The following BICC1 variants were observed in gnomAD, a reference collection of about 807,000 sequenced individuals.
The protein encoded by BICC1 is BicC family RNA binding protein 1.
BICC1 carries 43 observed loss-of-function variants against 111.0 expected under a neutral mutation model. The observed-to-expected ratio is 0.39, with a 90% CI of 0.30 to 0.50. The LOEUF is 0.50. Ranked by LOEUF, BICC1 falls within the 20% of genes least tolerant of loss-of-function variation. The pLI, the probability that BICC1 is intolerant of heterozygous loss-of-function variation, is 0.88. For missense variants in BICC1, 1,091 were observed against 1,203.2 expected (o/e 0.91, Z 1.38); for synonymous variants, 467 against 434.4 (o/e 1.07, Z -0.93).
In BICC1 at chr10:58,664,968, A is replaced by C. The variant is rs186267097; in HGVS notation, c.238-37106A>C. On this transcript the variant is annotated intron_variant, in intron 2 of 20. Coordinates refer to ENST00000373886, the MANE Select transcript of BICC1 (RefSeq NM_001080512.3). ...GGATTGCTGCTGCTACATTGAGCTT[A>C]ATATGAGTCCCGGAGTGTGGTACAG... Among the ~76,000 whole-genome samples the C allele has an allele frequency of 1.2e-4, 19 of 152,246 alleles. No homozygotes were observed. In the East Asian group the frequency reaches 3.5e-3, roughly 28 times the overall value.
At chr10:58,568,077 T>A (rs1840058260) in intron 1 of BICC1, among the ~76,000 whole-genome samples, 1 of 152,200 alleles carries the variant, frequency 6.6e-6, no homozygotes, top group Non-Finnish European at 1.5e-5. Flanking sequence ...TCTGGCTATC[T>A]GAGTTTAGGT....
At position 58,630,593 on chromosome 10, in the gene BICC1, T is replaced by A. The variant is rs563500466; in HGVS notation, c.237+9692T>A. On this transcript the variant is annotated intron_variant, in intron 2 of 20. Transcript: ENST00000373886. Reference sequence around the variant, plus strand: ...ATTGACATGCGCCACCACGCCTAGCTTTCAGGTTCTGATCTATAGGTGTCC... The same window carrying A: ...ATTGACATGCGCCACCACGCCTAGCATTCAGGTTCTGATCTATAGGTGTCC... 2.6e-5 allele frequency among the ~76,000 whole-genome samples: 4 copies of A among 152,260 alleles called. No individual in the cohort carries two copies. In the South Asian group the frequency reaches 8.3e-4, roughly 32 times the overall value.
intron 3 of BICC1, among the ~76,000 whole-genome samples, chr10:58,769,655 AT>A (rs1339638038): frequency 2.6e-5 from 4 of 151,982 alleles, no homozygotes; most frequent in African/African-American, 9.6e-5. Flanking sequence ...GCACAACTAT[AT>A]TTACATAAAC....
At chr10:58,670,260 A>G (rs1463014737) in intron 2 of BICC1, among the ~76,000 whole-genome samples, 3 of 152,260 alleles carry the variant, frequency 2.0e-5, no homozygotes, top group East Asian at 1.9e-4. Context: ...CGTGCATACC[A>G]ATTACTAGTG....
chr10:58,696,916 G>T (rs1840080135), intron 2 of BICC1, among the ~76,000 whole-genome samples: 1 of 152,142 alleles, frequency 6.6e-6, no homozygotes, highest in African/African-American at 2.4e-5. Flanking sequence ...TCACTCTAGG[G>T]CTTCCCCCAC....
At chr10:58,529,145 CTTG>C (rs1842618279) in intron 1 of BICC1, among the ~76,000 whole-genome samples, 1 of 151,900 alleles carries the variant, frequency 6.6e-6, no homozygotes, top group African/African-American at 2.4e-5. Context: ...TGTTAACATA[CTTG>C]TCTAGGTGAA....
At chr10:58,685,962 A>G (rs1191744303) in intron 2 of BICC1, among the ~76,000 whole-genome samples, 4 of 152,176 alleles carry the variant, frequency 2.6e-5, no homozygotes, top group Non-Finnish European at 4.4e-5. Flanking sequence ...CCTAGCATCA[A>G]TGGTCTTTAC....
chr10:58,706,142 C>G (rs576646042), intron 3 of BICC1, among the ~76,000 whole-genome samples: 1 of 152,112 alleles, frequency 6.6e-6, no homozygotes, highest in Non-Finnish European at 1.5e-5. Flanking sequence ...CCTGTGAAAC[C>G]AGTATTTAGG....
intron 1 of BICC1, among the ~76,000 whole-genome samples, chr10:58,558,079 T>G (rs951668853): frequency 6.6e-6 from 1 of 152,150 alleles, no homozygotes; most frequent in South Asian, 2.1e-4. Context: ...GGCAAAAGCC[T>G]TCTAAGTTTT....
At chr10:58,663,796 A>G (rs928256604) in intron 2 of BICC1, among the ~76,000 whole-genome samples, 7 of 152,130 alleles carry the variant, frequency 4.6e-5, no homozygotes, top group Non-Finnish European at 1.0e-4. Context: ...AAGGTTGGAG[A>G]TGGTTGGTTT....
intron 3 of BICC1, among the ~76,000 whole-genome samples, chr10:58,754,372 C>T (rs993162775): frequency 2.0e-5 from 3 of 152,152 alleles, no homozygotes; most frequent in Non-Finnish European, 4.4e-5. Context: ...AAAGACTGAA[C>T]GAATGTAGCA....
At chr10:58,628,171 C>A (rs4948527) in intron 2 of BICC1, among the ~76,000 whole-genome samples, 5 of 152,194 alleles carry the variant, frequency 3.3e-5, no homozygotes, top group African/African-American at 1.2e-4. Context: ...TACAATGGAC[C>A]TCCATTACTT....
intron 2 of BICC1, among the ~76,000 whole-genome samples, chr10:58,688,094 T>C (rs962172376): frequency 2.6e-5 from 4 of 152,048 alleles, no homozygotes; most frequent in Admixed American, 1.3e-4. Context: ...ACCTTTACAA[T>C]GAGTGTTACA....
At chr10:58,515,141 G>A (rs1017097794) in intron 1 of BICC1, among the ~76,000 whole-genome samples, 1 of 152,138 alleles carries the variant, frequency 6.6e-6, no homozygotes, top group Non-Finnish European at 1.5e-5. Flanking sequence ...AAAATTTGAA[G>A]GCTCTTTTGT....
chr10:58,622,288 T>C (rs1263186533), intron 2 of BICC1, among the ~76,000 whole-genome samples: 1 of 152,224 alleles, frequency 6.6e-6, no homozygotes, highest in East Asian at 1.9e-4. Context: ...TTCTTCTTCA[T>C]TGTTCTTCTT....
chr10:58,567,837 G>A (rs1843819116), intron 1 of BICC1, among the ~76,000 whole-genome samples: 3 of 151,998 alleles, frequency 2.0e-5, no homozygotes, highest in Non-Finnish European at 4.4e-5. Flanking sequence ...AGGCAGTGAC[G>A]TCATCTGATT....
chr10:58,579,735 G>T (rs1589115014), intron 1 of BICC1, among the ~76,000 whole-genome samples: 2 of 152,108 alleles, frequency 1.3e-5, no homozygotes, highest in East Asian at 3.9e-4. Flanking sequence ...TACTCAGTTG[G>T]CTGAGTTAAT....
In BICC1 at chr10:58,531,569, G is replaced by T. The variant is rs187400182; in HGVS notation, c.190+18236G>T. Among the ~76,000 whole-genome samples the T allele has an allele frequency of 2.6e-4, 39 of 151,858 alleles. No homozygotes were observed. The East Asian group carries it at 6.2e-3, about 24-fold the overall frequency. ...GTCCAATCAGAAGAACAAAATAACTGTCCGTAAACTGACCCAAAAGAAATG... is the reference window on the plus strand; with the variant it reads ...GTCCAATCAGAAGAACAAAATAACTTTCCGTAAACTGACCCAAAAGAAATG... On this transcript the variant is annotated intron_variant, in intron 1 of 20. Coordinates refer to ENST00000373886, the MANE Select transcript of BICC1 (RefSeq NM_001080512.3).
At chr10:58,809,185 G>C (rs1461344159) in intron 17 of BICC1, among the ~76,000 whole-genome samples, 1 of 150,074 alleles carries the variant, frequency 6.7e-6, no homozygotes, top group Non-Finnish European at 1.5e-5. Flanking sequence ...ACAACGCTCA[G>C]CTAAGTTTTG....
Sources: gnomAD v4.1 joint callset for allele counts (sites outside exome capture counted in the v4.1 genomes callset) on GRCh38, gnomAD v4.1.1 for gene constraint, MANE v1.5 for transcripts, NCBI Gene and HGNC (gene_info 2026-07-23, HGNC 2026-07-21) for gene names.